Variants in ALDH18A1 observed in about 807,000 individuals in gnomAD.
ALDH18A1 encodes the protein delta-1-pyrroline-5-carboxylate synthase.
In ALDH18A1, 44 loss-of-function variants were observed where a neutral mutation model predicts 88.8. The ratio of observed to expected loss-of-function variants is 0.50; its 90% CI spans 0.39 to 0.64. The LOEUF (loss-of-function observed/expected upper bound fraction) is 0.64, where lower values mean the gene tolerates loss of function less well. Ranked by LOEUF, ALDH18A1 falls within the 30% of genes least tolerant of loss-of-function variation. The probability of loss-of-function intolerance (pLI) is 0.00; values close to 1 mark genes in which losing one functional copy is unlikely to be tolerated. For synonymous variants in ALDH18A1, 331 were observed against 372.1 expected (o/e 0.89, Z 1.27); for missense variants, 782 against 1,009.5 (o/e 0.77, Z 3.05).
intron 12 of ALDH18A1, among the ~76,000 whole-genome samples, chr10:95,618,775 C>A (rs2097847843): frequency 6.6e-6 from 1 of 152,168 alleles, no homozygotes; most frequent in African/African-American, 2.4e-5. Flanking sequence ...GACTTGTGGT[C>A]AGAGAACAAA....
intron 12 of ALDH18A1, among the ~76,000 whole-genome samples, chr10:95,617,681 T>G (rs1174979796): frequency 6.6e-6 from 1 of 152,232 alleles, no homozygotes. Context: ...TTGCACACAA[T>G]TTTTAGGATT....
chr10:95,634,808 A>G (rs570810634), intron 5 of ALDH18A1, among the ~76,000 whole-genome samples: 69 of 152,348 alleles, frequency 4.5e-4, no homozygotes, highest in Non-Finnish European at 7.8e-4. Context: ...CAAGAAACTA[A>G]ATGGCAACAA....
At chr10:95,619,083 G>C (rs1326753492) in intron 12 of ALDH18A1, among the ~76,000 whole-genome samples, 1 of 152,036 alleles carries the variant, frequency 6.6e-6, no homozygotes, top group African/African-American at 2.4e-5. Context: ...CTCCAGTATT[G>C]AAAATATATT....
intron 3 of ALDH18A1, among the ~76,000 whole-genome samples, chr10:95,638,005 A>G (rs2097884342): frequency 7.4e-6 from 1 of 135,300 alleles, no homozygotes; most frequent in South Asian, 2.3e-4. Context: ...AACAACAACA[A>G]CAACACCCTA....
chr10:95,621,318 G>GT, intron 11 of ALDH18A1, 67 bp from the exon 12 acceptor site: 17 of 999,234 alleles, frequency 1.7e-5, no homozygotes, highest in Admixed American at 2.8e-5. Flanking sequence ...CAACCGATGT[G>GT]TCTTTTTTTT....
intron 2 of ALDH18A1, among the ~76,000 whole-genome samples, chr10:95,647,288 G>A (rs931364764): frequency 6.6e-6 from 1 of 152,198 alleles, no homozygotes; most frequent in African/African-American, 2.4e-5. Flanking sequence ...AAAAGGACAA[G>A]TGTTGGCTCT....
At chr10:95,648,211 C>A (rs894488324) in intron 2 of ALDH18A1, among the ~76,000 whole-genome samples, 1 of 152,148 alleles carries the variant, frequency 6.6e-6, no homozygotes, top group Non-Finnish European at 1.5e-5. Flanking sequence ...GGATACCCAA[C>A]TGATGTCCAC....
At chr10:95,619,797 T>A (rs1347555548) in intron 12 of ALDH18A1, among the ~76,000 whole-genome samples, 1 of 152,136 alleles carries the variant, frequency 6.6e-6, no homozygotes, top group Non-Finnish European at 1.5e-5. Flanking sequence ...TCAAGATGGA[T>A]TAAAAACTTA....
rs751744859 is a variant in ALDH18A1 at position 95,606,957 on chromosome 10, T to A, written c.2207-14A>T. 1.9e-5 allele frequency: 31 copies of A among 1,613,186 alleles called. No individual in the cohort carries two copies. The highest frequency in any genetic ancestry group is 2.5e-5 in the Non-Finnish European group (30 of 1,179,572). ...CCACTTCAGCTCCTGTGAAAAAGCA[T>A]GAATAAAAGATGTAGCTTTTCCCAG... On this transcript the variant is annotated splice_polypyrimidine_tract_variant and intron_variant, in intron 17 of 17. Transcript: ENST00000371224.
intron 13 of ALDH18A1, 36 bp downstream of exon 13, chr10:95,616,441 C>CT: frequency 1.3e-6 from 2 of 1,553,592 alleles, no homozygotes; most frequent in Non-Finnish European, 1.7e-6. Flanking sequence ...GATCTGGCCC[C>CT]TCTGGGCCTG....
chr10:95,606,290 G>T lies in ALDH18A1; in HGVS notation c.*472C>A. 1.0e-6 allele frequency: 1 copy of T among 1,001,970 alleles called. No individual in the cohort carries two copies. The highest frequency in any genetic ancestry group is 1.2e-6 in the Non-Finnish European group (1 of 839,122). 62.1% of individuals were successfully genotyped at this position (1,001,970 alleles called of 1,614,324 possible). ...ATTTTTGTGACTTTCTGATGAGAAT[G>T]CTAAAAAGAAGAGTTGCCCCTTTTC... On this transcript the variant is annotated 3_prime_UTR_variant, in exon 18 of 18. Transcript: ENST00000371224.
At chr10:95,611,932 T>C (rs1157102686) in intron 15 of ALDH18A1, among the ~76,000 whole-genome samples, 1 of 151,178 alleles carries the variant, frequency 6.6e-6, no homozygotes, top group East Asian at 1.9e-4. Context: ...ATTGTGCCAC[T>C]GCACTCCAGC....
In ALDH18A1 at chr10:95,611,603, A is replaced by C. The variant is rs549606234; in HGVS notation, c.1924-161T>G. Among the ~76,000 whole-genome samples, 5 of 152,350 alleles carry C rather than the reference A, an allele frequency of 3.3e-5. No homozygotes were observed. In the South Asian group the frequency reaches 1.0e-3, roughly 32 times the overall value. ...ACTTTCCTCCCTCCAGCATGATCTG[A>C]CTGGCCACTTGCCAGCAATGGGCCC... On this transcript the variant is annotated intron_variant, in intron 15 of 17. Transcript: ENST00000371224.
chr10:95,623,634 C>T (rs558525963), intron 11 of ALDH18A1, among the ~76,000 whole-genome samples: 172 of 152,114 alleles, frequency 1.1e-3, no homozygotes, highest in Admixed American at 1.7e-3. Context: ...GGTGCCACCT[C>T]GGCTCATGGC....
chr10:95,633,735 T>C, intron 5 of ALDH18A1, 86 bp from the exon 6 acceptor site: 4 of 1,486,108 alleles, frequency 2.7e-6, no homozygotes, highest in Non-Finnish European at 3.7e-6. Context: ...AGCAGGGGAG[T>C]TAAACTTTAG....
chr10:95,628,476 G>A lies in ALDH18A1; in HGVS notation c.825C>T (p.Pro275=). ...TAAGCTTTGCATCATCTGAACCTGG[G>A]GGGCTGTCAAAAAGGCCTAAAAAAT... The part of the protein sequence containing the change: ...LSDVEGLFDS[P]PGSDDAKLID... The change falls in exon 8 of 18, where the codon CCC becomes CCT. Residue 275 remains proline, a synonymous_variant. Coordinates refer to ENST00000371224, the MANE Select transcript of ALDH18A1 (RefSeq NM_002860.4). The A allele has an allele frequency of 6.2e-7, 1 of 1,613,662 alleles. No homozygotes were observed. The highest frequency in any genetic ancestry group is 8.5e-7 in the Non-Finnish European group (1 of 1,179,950).
intron 2 of ALDH18A1, among the ~76,000 whole-genome samples, chr10:95,652,507 G>A (rs895185291): frequency 2.6e-5 from 4 of 151,884 alleles, no homozygotes; most frequent in Admixed American, 6.6e-5. Flanking sequence ...AGGCCGAGGC[G>A]GGCAGATCAC....
At chr10:95,643,559 T>C (rs1282392649) in intron 2 of ALDH18A1, among the ~76,000 whole-genome samples, 1 of 152,146 alleles carries the variant, frequency 6.6e-6, no homozygotes, top group African/African-American at 2.4e-5. Context: ...TTATTTATTA[T>C]CAGAAAAATC....
intron 1 of ALDH18A1, among the ~76,000 whole-genome samples, chr10:95,655,245 C>T (rs904706298): frequency 2.0e-5 from 3 of 152,018 alleles, no homozygotes; most frequent in Admixed American, 2.0e-4. Flanking sequence ...TGTTTCCTCA[C>T]TTATAAATCA....
Sources: allele counts gnomAD v4.1 joint callset (sites outside exome capture counted in the v4.1 genomes callset), GRCh38; gene constraint gnomAD v4.1.1; transcripts MANE v1.5; gene names NCBI Gene and HGNC (gene_info 2026-07-23, HGNC 2026-07-21).